TAX1BP3: variants seen among roughly 807,000 people sequenced by gnomAD.
TAX1BP3 encodes tax1-binding protein 3.
Under a neutral mutation model 15.3 loss-of-function variants are expected in TAX1BP3, and 13 were observed. The ratio of observed to expected loss-of-function variants is 0.85; its 90% CI spans 0.55 to 1.35. TAX1BP3 has a LOEUF of 1.35. TAX1BP3 is among the 40% of genes most tolerant of loss of function. TAX1BP3 has a pLI of 0.00. For missense variants in TAX1BP3, 147 were observed against 169.6 expected, an observed-to-expected ratio of 0.87 and a Z score of 0.74; for synonymous variants, 70 against 66.0, an observed-to-expected ratio of 1.06 and a Z score of -0.30.
rs1041274854 is a variant in TAX1BP3 at position 3,665,808 on chromosome 17, A to G, written c.40-1010T>C. ...TTGCCGGCCACGGGGACCAGCGCAC[A>G]GGGTGCCGTGGATACGTGTTCGTGA... On this transcript the variant is annotated intron_variant, in intron 1 of 3. Coordinates refer to ENST00000225525, the MANE Select transcript of TAX1BP3 (RefSeq NM_014604.4). 3 of 636,802 alleles carry G rather than the reference A, an allele frequency of 4.7e-6. No individual in the cohort carries two copies. The African/African-American group carries it at 5.5e-5, about 12-fold the overall frequency. The allele number at this position is 636,802 out of a possible 1,614,324, so 39.4% of individuals were successfully genotyped here.
chr17:3,666,809 G>T (rs1203329921), intron 1 of TAX1BP3, among the ~76,000 whole-genome samples: 1 of 152,164 alleles, frequency 6.6e-6, no homozygotes, highest in Non-Finnish European at 1.5e-5. Context: ...AGGGAGGGGG[G>T]CAGGAAGCAT....
Position 3,664,694 on chromosome 17 carries a change from T to G in TAX1BP3, c.144A>C (p.Glu48Asp), listed in dbSNP as rs1422368149. The G allele has an allele frequency of 6.2e-7, 1 of 1,613,660 alleles. No individual in the cohort carries two copies. Among genetic ancestry groups the G allele is most frequent in the Non-Finnish European group, 8.5e-7 (1 of 1,179,920 alleles). ...ACCCCCTCACCTTGTCCGTCTTGTC[T>G]TCAGAGAAGGGATTCTGGGAAGGAT... ...DQDPSQNPFS[E>D]DKTDKGIYVT... Residue 48 changes from glutamate to aspartate, a missense_variant, in exon 2 of 4, where the codon GAA (glutamate) becomes GAC (aspartate). Transcript: ENST00000225525.
chr17:3,665,207 G>A lies in TAX1BP3; in HGVS notation c.40-409C>T, dbSNP rs544146644. On this transcript the variant is annotated intron_variant, in intron 1 of 3. Coordinates refer to ENST00000225525, the MANE Select transcript of TAX1BP3 (RefSeq NM_014604.4). ...TTTCGGCCGGAACCGCCATCTTCCA[G>A]TAATTCGCCAAAATGACGAACACAA... is the stretch of plus-strand genomic sequence containing the variant. The A allele has an allele frequency of 1.5e-3, 1,816 of 1,203,766 alleles. 2 individuals carry two copies. The highest frequency in any genetic ancestry group is 3.7e-3 in the Middle Eastern group (19 of 5,086). 74.6% of individuals were successfully genotyped at this position (1,203,766 alleles called of 1,614,324 possible). A position where few individuals can be genotyped will look rare whatever the true frequency, so the allele number is the denominator to read the frequency against.
chr17:3,667,065 C>T (rs998734828), intron 1 of TAX1BP3, among the ~76,000 whole-genome samples: 3 of 152,102 alleles, frequency 2.0e-5, no homozygotes, highest in Non-Finnish European at 4.4e-5. Flanking sequence ...CAGGCTGGGC[C>T]GGGTGTGGTG....
chr17:3,663,988 TA>T, intron 3 of TAX1BP3, 103 bp from the exon 4 acceptor site: 1 of 1,501,550 alleles, frequency 6.7e-7, no homozygotes, highest in Non-Finnish European at 8.9e-7. Context: ...GCCCCCAGCC[TA>T]ACATCCCAGG....
At chr17:3,665,705 G>A (rs1311100019) in intron 1 of TAX1BP3, 267 of 494,396 alleles carry the variant, frequency 5.4e-4, no homozygotes, top group Non-Finnish European at 9.0e-4. Flanking sequence ...TGGCATAATA[G>A]GTGTTAAACA....
rs2076363441 is a variant in TAX1BP3 at position 3,668,252 on chromosome 17, G to A, written c.39+236C>T. 6.6e-6 allele frequency among the ~76,000 whole-genome samples: 1 copy of A among 152,208 alleles called. No homozygotes were observed. The highest frequency in any genetic ancestry group is 2.1e-4 in the South Asian group (1 of 4,830). On this transcript the variant is annotated intron_variant, in intron 1 of 3. Transcript: ENST00000225525. This position sits in a 1 kb window ranked among gnomAD's most constrained non-coding sequence, Gnocchi z 4.1. ...CTTTCCCCGTGGCCCTCCCCGCCCT[G>A]CGCACGCAGTCTGGGCTCTGTCCAG...
intron 2 of TAX1BP3, 172 bp downstream of exon 2, chr17:3,664,507 C>A: frequency 9.6e-7 from 1 of 1,046,006 alleles, no homozygotes. Context: ...TCTGAGCAGC[C>A]CTTCCTCACC....
At chr17:3,664,496 G>T in intron 2 of TAX1BP3, 183 bp downstream of exon 2, 1 of 999,314 alleles carries the variant, frequency 1.0e-6, no homozygotes, top group Non-Finnish European at 1.5e-6. Flanking sequence ...CCTGGGCTCT[G>T]TCTGAGCAGC....
At position 3,663,647 on chromosome 17, in the gene TAX1BP3, C is replaced by A; in HGVS notation, c.*101G>T. The A allele has an allele frequency of 6.7e-7, 1 of 1,484,260 alleles. No homozygotes were observed. The highest frequency in any genetic ancestry group is 2.2e-4 in the Middle Eastern group (1 of 4,490). The allele number at this position is 1,484,260 out of a possible 1,614,324, so 91.9% of individuals were successfully genotyped here. On this transcript the variant is annotated 3_prime_UTR_variant, in exon 4 of 4. Transcript: ENST00000225525. Reference sequence around the variant, plus strand: ...TGGGACCAGCTATAGCCCTTCTGAGCTGGGGCCCAGCGGTCAGCAGAAGCC... The same window carrying A: ...TGGGACCAGCTATAGCCCTTCTGAGATGGGGCCCAGCGGTCAGCAGAAGCC...
At position 3,668,431 on chromosome 17, in the gene TAX1BP3, C is replaced by A; in HGVS notation, c.39+57G>T. On this transcript the variant is annotated intron_variant, in intron 1 of 3. Coordinates refer to ENST00000225525, the MANE Select transcript of TAX1BP3 (RefSeq NM_014604.4). This position sits in a 1 kb window ranked among gnomAD's most constrained non-coding sequence, Gnocchi z 4.1. ...CAACCTGCTTGGGGTGTCCGTTTCCCGCTCTGCGAGGTGGGGTCAGGCCAA... is the reference window on the plus strand; with the variant it reads ...CAACCTGCTTGGGGTGTCCGTTTCCAGCTCTGCGAGGTGGGGTCAGGCCAA... The A allele has an allele frequency of 6.3e-7, 1 of 1,587,126 alleles. No homozygotes were observed.
chr17:3,664,457 G>T, intron 2 of TAX1BP3, 185 bp from the exon 3 acceptor site: 2 of 927,426 alleles, frequency 2.2e-6, no homozygotes, highest in South Asian at 3.1e-5. Context: ...ACCATGCACC[G>T]GCCCTGCTGA....
Position 3,664,812 on chromosome 17 carries a change from A to T in TAX1BP3, c.40-14T>A, listed in dbSNP as rs775960485. On this transcript the variant is annotated splice_polypyrimidine_tract_variant and intron_variant, in intron 1 of 3. Transcript: ENST00000225525. ...TTCAACTCTTTGCTGGCAAAGAAAAAAGCCAGTTGAGAGAAGTGGGTGGTT... is the reference window on the plus strand; with the variant it reads ...TTCAACTCTTTGCTGGCAAAGAAAATAGCCAGTTGAGAGAAGTGGGTGGTT... 1 of 1,611,366 alleles carries T rather than the reference A, an allele frequency of 6.2e-7. No individual in the cohort carries two copies. The highest frequency in any genetic ancestry group is 1.1e-5 in the South Asian group (1 of 90,952).
At chr17:3,664,158 C>A in intron 3 of TAX1BP3, 37 bp downstream of exon 3, 1 of 1,613,504 alleles carries the variant, frequency 6.2e-7, no homozygotes, top group South Asian at 1.1e-5. Context: ...ACCTGCTTGC[C>A]CAAACCTTGT....
chr17:3,665,417 T>C (rs1328532222), intron 1 of TAX1BP3: 2 of 1,473,390 alleles, frequency 1.4e-6, no homozygotes, highest in African/African-American at 2.8e-5. Flanking sequence ...GAGTCTACAA[T>C]GTTCCCCAGC....
intron 1 of TAX1BP3, among the ~76,000 whole-genome samples, chr17:3,666,590 A>AC (rs1199798468): frequency 6.6e-6 from 1 of 152,172 alleles, no homozygotes; most frequent in Non-Finnish European, 1.5e-5. Flanking sequence ...GGTTCAGAAG[A>AC]ATGGCCTAAA....
rs2076364863 is a variant in TAX1BP3 at position 3,668,387 on chromosome 17, C to A, written c.39+101G>T. On this transcript the variant is annotated intron_variant, in intron 1 of 3. Coordinates refer to ENST00000225525, the MANE Select transcript of TAX1BP3 (RefSeq NM_014604.4). The surrounding 1 kb of genome is among the most constrained non-coding windows in gnomAD (Gnocchi z 4.1). ...GCCCTTGCCGCCGGTTCGCAGGAGCCCCGGGTTCGATGCTCTGTCAACCTG... is the reference window on the plus strand; with the variant it reads ...GCCCTTGCCGCCGGTTCGCAGGAGCACCGGGTTCGATGCTCTGTCAACCTG... 44 of 1,438,042 alleles carry A rather than the reference C, an allele frequency of 3.1e-5. No individual in the cohort carries two copies. Among genetic ancestry groups the A allele is most frequent in the Non-Finnish European group, 3.9e-5 (42 of 1,073,438 alleles). The allele number at this position is 1,438,042 out of a possible 1,614,324, so 89.1% of individuals were successfully genotyped here.
rs1433517825 is a variant in TAX1BP3 at position 3,668,146 on chromosome 17, G to C, written c.39+342C>G. Among the ~76,000 whole-genome samples, 2 of 152,238 alleles carry C rather than the reference G, an allele frequency of 1.3e-5. No homozygotes were observed. Among genetic ancestry groups the C allele is most frequent in the East Asian group, 1.9e-4 (1 of 5,192 alleles). On this transcript the variant is annotated intron_variant, in intron 1 of 3. Transcript: ENST00000225525. This position sits in a 1 kb window ranked among gnomAD's most constrained non-coding sequence, Gnocchi z 4.1. ...GCTGCGACTCATGGACGTCGGGATC[G>C]GCGCCCGCCCCCAGCAGCTCCCCGT...
At chr17:3,664,555 CT>C (rs2142991451) in intron 2 of TAX1BP3, 123 bp downstream of exon 2, 1 of 1,390,398 alleles carries the variant, frequency 7.2e-7, no homozygotes, top group Admixed American at 1.8e-5. Context: ...CTTCCGATGC[CT>C]TCTTAGAGAG....
Sources: gnomAD v4.1 joint callset for allele counts (sites outside exome capture counted in the v4.1 genomes callset) on GRCh38, gnomAD v4.1.1 for gene constraint, Gnocchi (gnomAD v3.1) non-coding constraint, MANE v1.5 for transcripts, NCBI Gene and HGNC (gene_info 2026-07-23, HGNC 2026-07-21) for gene names.